The following DLGAP2 variants were observed in gnomAD, a reference collection of about 807,000 sequenced individuals.
DLGAP2 encodes DLG associated protein 2.
A neutral mutation model predicts 100.3 loss-of-function variants in DLGAP2; 26 were observed. The ratio of observed to expected loss-of-function variants is 0.26; its 90% CI spans 0.19 to 0.36. The LOEUF is 0.36. DLGAP2 is among the 10% of genes least tolerant of loss of function. The probability of loss-of-function intolerance (pLI) is 1.00; values close to 1 mark genes in which losing one functional copy is unlikely to be tolerated. For missense variants in DLGAP2, 1,858 were observed against 1,453.2 expected (o/e 1.28, Z -4.53); for synonymous variants, 886 against 630.1 (o/e 1.41, Z -6.08).
In DLGAP2 at chr8:1,633,029, C is replaced by T; in HGVS notation, c.1793C>T (p.Thr598Ile). 6.2e-7 allele frequency: 1 copy of T among 1,613,954 alleles called. No homozygotes were observed. Among genetic ancestry groups the T allele is most frequent in the Non-Finnish European group, 8.5e-7 (1 of 1,179,886 alleles). ...ATGACACCCTCTGACATCACCTCCA[C>T]CATCAGGTCAACAGCAGGTAAGGGG... ...PMMTPSDITS[T>I]IRSTAAVSYT... Residue 598 changes from threonine to isoleucine, a missense_variant, in exon 8 of 15, where the codon ACC (threonine) becomes ATC (isoleucine). Physicochemically the swap from Thr to Ile is moderately conservative, Grantham distance 89 (BLOSUM62 -1). Coordinates refer to ENST00000637795, the MANE Select transcript of DLGAP2 (RefSeq NM_001346810.2).
chr8:1,537,603 G>C (rs943021952), intron 4 of DLGAP2, among the ~76,000 whole-genome samples: 4 of 152,226 alleles, frequency 2.6e-5, no homozygotes, highest in African/African-American at 9.6e-5. Context: ...CCGTAGGACA[G>C]GGACCATCCT....
At chr8:1,271,085 C>T (rs1421844678) in intron 3 of DLGAP2, among the ~76,000 whole-genome samples, 1 of 152,042 alleles carries the variant, frequency 6.6e-6, no homozygotes, top group Admixed American at 6.6e-5. Context: ...TGAAATAAGT[C>T]ATAGTTAATT....
At chr8:1,194,334 A>G (rs927670955) in intron 2 of DLGAP2, among the ~76,000 whole-genome samples, 1 of 151,954 alleles carries the variant, frequency 6.6e-6, no homozygotes, top group Admixed American at 6.6e-5. Context: ...TGGTGGAGGG[A>G]GCCCGGATGC....
Position 1,351,278 on chromosome 8 carries a change from C to G in DLGAP2, c.106+92395C>G, listed in dbSNP as rs1467691314. On this transcript the variant is annotated intron_variant, in intron 3 of 14. Transcript: ENST00000637795. Reference sequence around the variant, plus strand: ...TGTGGAACGGCCGTGCGGGTCCTGACTGTGTGTGGAAAGGCCGTGCGGGTC... The same window carrying G: ...TGTGGAACGGCCGTGCGGGTCCTGAGTGTGTGTGGAAAGGCCGTGCGGGTC... Among the ~76,000 whole-genome samples, 149 of 50,994 alleles carry G rather than the reference C, an allele frequency of 2.9e-3. 2 individuals carry two copies. Among genetic ancestry groups the G allele is most frequent in the Admixed American group, 7.1e-3 (29 of 4,092 alleles). 33.5% of individuals were successfully genotyped at this position (50,994 alleles called of 152,430 possible).
intron 3 of DLGAP2, among the ~76,000 whole-genome samples, chr8:1,449,826 G>A (rs1399665791): frequency 4.1e-4 from 60 of 146,214 alleles, no homozygotes; most frequent in African/African-American, 1.4e-3. Context: ...GGGCGGCCTC[G>A]GTGGCTGTGA....
chr8:1,353,922 A>T (rs1333376265), intron 3 of DLGAP2, among the ~76,000 whole-genome samples: 3 of 152,192 alleles, frequency 2.0e-5, no homozygotes, highest in Non-Finnish European at 2.9e-5. Flanking sequence ...AAAAGCAGTT[A>T]TTTAGCCCAA....
chr8:1,507,781 G>A (rs147771833), intron 4 of DLGAP2, among the ~76,000 whole-genome samples: 53 of 150,248 alleles, frequency 3.5e-4, no homozygotes, highest in Non-Finnish European at 1.3e-4. Context: ...CTTCACCCAC[G>A]ACCCTCCTTC....
intron 2 of DLGAP2, among the ~76,000 whole-genome samples, chr8:1,197,782 C>G (rs553775996): frequency 2.0e-5 from 3 of 152,264 alleles, no homozygotes; most frequent in South Asian, 4.1e-4. Flanking sequence ...CAGATGTCCA[C>G]ATGAACCGCA....
intron 6 of DLGAP2, among the ~76,000 whole-genome samples, 182 bp from the exon 7 acceptor site, chr8:1,626,558 C>T (rs974226760): frequency 1.7e-4 from 25 of 146,764 alleles, no homozygotes; most frequent in African/African-American, 5.2e-4. Context: ...GTGGGTTGGA[C>T]GGCTGTTCCC....
intron 2 of DLGAP2, among the ~76,000 whole-genome samples, chr8:946,059 A>G (rs1799311104): frequency 7.5e-6 from 1 of 133,312 alleles, no homozygotes; most frequent in African/African-American, 2.6e-5. Context: ...CTTGCCTTCC[A>G]GGGCTGCAGC....
intron 6 of DLGAP2, among the ~76,000 whole-genome samples, chr8:1,579,118 C>A (rs1399157399): frequency 6.6e-6 from 1 of 152,020 alleles, no homozygotes; most frequent in African/African-American, 2.4e-5. Flanking sequence ...CATTTGGAGG[C>A]CTTTGCTTTT....
chr8:783,307 A>T (rs1821752003), intron 1 of DLGAP2, among the ~76,000 whole-genome samples: 1 of 152,140 alleles, frequency 6.6e-6, no homozygotes, highest in African/African-American at 2.4e-5. Flanking sequence ...TAAGGGAGAG[A>T]AGGAGGTTAA....
Position 1,427,862 on chromosome 8 carries a change from T to A in DLGAP2, c.107-73504T>A, listed in dbSNP as rs569665412. On this transcript the variant is annotated intron_variant, in intron 3 of 14. Coordinates refer to ENST00000637795, the MANE Select transcript of DLGAP2 (RefSeq NM_001346810.2). ...TATGTCTTTATCAGCAGCATGAAAATTGACCAATACAGTACTCTTCTCCAT... is the reference window on the plus strand; with the variant it reads ...TATGTCTTTATCAGCAGCATGAAAAATGACCAATACAGTACTCTTCTCCAT... Among the ~76,000 whole-genome samples, 3 of 152,280 alleles carry A rather than the reference T, an allele frequency of 2.0e-5. No homozygotes were observed. In the East Asian group the frequency reaches 5.8e-4, roughly 29 times the overall value.
intron 1 of DLGAP2, among the ~76,000 whole-genome samples, chr8:848,997 G>A (rs1563062021): frequency 6.6e-6 from 1 of 152,018 alleles, no homozygotes; most frequent in African/African-American, 2.4e-5. Flanking sequence ...TCCAGCATAG[G>A]ATCGTGAGGT....
chr8:1,107,037 C>T (rs1432686816), intron 2 of DLGAP2, among the ~76,000 whole-genome samples: 1 of 152,152 alleles, frequency 6.6e-6, no homozygotes, highest in African/African-American at 2.4e-5. Context: ...TAGCAGGCAG[C>T]AGTGAGTGTA....
Position 895,291 on chromosome 8 carries a change from G to A in DLGAP2, c.19-12621G>A, listed in dbSNP as rs1415851235. On this transcript the variant is annotated intron_variant, in intron 1 of 14. Transcript: ENST00000637795. The stretch of plus-strand genomic sequence containing the variant: ...ATATCGGACTCCATAAGTATACACA[G>A]TCATTATATGTCAACTAAAAATAAA... 5.9e-5 allele frequency among the ~76,000 whole-genome samples: 9 copies of A among 152,206 alleles called. No individual in the cohort carries two copies. The South Asian group carries it at 1.7e-3, about 28-fold the overall frequency.
At chr8:1,346,458 G>A (rs1376965174) in intron 3 of DLGAP2, among the ~76,000 whole-genome samples, 1 of 149,394 alleles carries the variant, frequency 6.7e-6, no homozygotes, top group Non-Finnish European at 1.5e-5. Context: ...TCTCATGGCA[G>A]CTATGTGGAG....
intron 2 of DLGAP2, among the ~76,000 whole-genome samples, chr8:1,152,237 A>T (rs936952963): frequency 1.3e-5 from 2 of 152,192 alleles, no homozygotes; most frequent in African/African-American, 4.8e-5. Context: ...GTTGATACTA[A>T]TACTTTGTGA....
At chr8:856,463 C>T (rs908245213) in intron 1 of DLGAP2, among the ~76,000 whole-genome samples, 3 of 152,112 alleles carry the variant, frequency 2.0e-5, no homozygotes, top group African/African-American at 7.2e-5. Flanking sequence ...GCTGGGATTA[C>T]AGGCATGAGC....
Sources: allele counts gnomAD v4.1 joint callset (sites outside exome capture counted in the v4.1 genomes callset), GRCh38; gene constraint gnomAD v4.1.1; transcripts MANE v1.5; gene names NCBI Gene and HGNC (gene_info 2026-07-23, HGNC 2026-07-21).